The following UBE2E2 variants were observed in gnomAD, a reference collection of about 807,000 sequenced individuals.
UBE2E2 encodes ubiquitin-conjugating enzyme E2 E2.
In UBE2E2, 6 loss-of-function variants were observed where a neutral mutation model predicts 24.7. The observed-to-expected ratio is 0.24, with a 90% confidence interval of 0.13 to 0.48. The LOEUF is 0.48. Ranked by LOEUF, UBE2E2 falls within the 20% of genes least tolerant of loss-of-function variation. The pLI is 0.99. For missense variants in UBE2E2, 169 were observed against 245.0 expected, an observed-to-expected ratio of 0.69 and a Z score of 2.07; for synonymous variants, 104 against 83.6, an observed-to-expected ratio of 1.24 and a Z score of -1.33.
chr3:23,499,354 T>C (rs1699670718), intron 3 of UBE2E2, among the ~76,000 whole-genome samples: 1 of 152,236 alleles, frequency 6.6e-6, no homozygotes, highest in Non-Finnish European at 1.5e-5. Context: ...CCTGTAGTCC[T>C]TGGACTCTTG....
intron 2 of UBE2E2, among the ~76,000 whole-genome samples, chr3:23,211,584 G>A (rs1696325799): frequency 6.6e-6 from 1 of 151,854 alleles, no homozygotes. Flanking sequence ...TTGTAGGGAT[G>A]GGAGTCTCAC....
intron 3 of UBE2E2, among the ~76,000 whole-genome samples, chr3:23,248,152 C>T (rs933256889): frequency 1.3e-5 from 2 of 152,184 alleles, no homozygotes; most frequent in Admixed American, 6.5e-5. Flanking sequence ...ATCAAAAAAG[C>T]AATTAGTGTC....
intron 3 of UBE2E2, among the ~76,000 whole-genome samples, chr3:23,241,047 G>A (rs1338279687): frequency 6.6e-6 from 1 of 152,040 alleles, no homozygotes; most frequent in Non-Finnish European, 1.5e-5. Flanking sequence ...TATTTAATAG[G>A]CACTTCAACA....
chr3:23,352,608 C>T (rs1193382859), intron 3 of UBE2E2, among the ~76,000 whole-genome samples: 4 of 152,208 alleles, frequency 2.6e-5, no homozygotes, highest in Non-Finnish European at 4.4e-5. Flanking sequence ...ACAAACACCT[C>T]TACGCAAATA....
chr3:23,549,566 T>C (rs2125497690), intron 5 of UBE2E2, among the ~76,000 whole-genome samples: 1 of 152,286 alleles, frequency 6.6e-6, no homozygotes, highest in South Asian at 2.1e-4. Context: ...CATTTGTGAA[T>C]TAAAGATTGT....
chr3:23,375,914 C>CA (rs1696510186), intron 3 of UBE2E2, among the ~76,000 whole-genome samples: 1 of 152,012 alleles, frequency 6.6e-6, no homozygotes, highest in African/African-American at 2.4e-5. Flanking sequence ...TATATGTAGC[C>CA]AAAGTGCTCT....
chr3:23,376,477 T>C (rs1696524010), intron 3 of UBE2E2, among the ~76,000 whole-genome samples: 1 of 152,146 alleles, frequency 6.6e-6, no homozygotes, highest in East Asian at 1.9e-4. Context: ...ACAAAGTGAG[T>C]AAGTTCCAAA....
chr3:23,406,814 A>G (rs1197786758), intron 3 of UBE2E2, among the ~76,000 whole-genome samples: 2 of 152,196 alleles, frequency 1.3e-5, no homozygotes, highest in Non-Finnish European at 1.5e-5. Context: ...TGTTGGAGAA[A>G]GTGCTTTAAA....
intron 3 of UBE2E2, among the ~76,000 whole-genome samples, chr3:23,419,219 T>A (rs1697734554): frequency 6.6e-6 from 1 of 152,178 alleles, no homozygotes; most frequent in Non-Finnish European, 1.5e-5. Context: ...TTATCCTGCC[T>A]TGACATCCCA....
At chr3:23,441,538 CAAAA>C (rs147766521) in intron 3 of UBE2E2, among the ~76,000 whole-genome samples, 4 of 95,792 alleles carry the variant, frequency 4.2e-5, no homozygotes, top group African/African-American at 7.5e-5. Context: ...GACTCCGTCT[CAAAA>C]AAAAAAAAAA....
intron 3 of UBE2E2, among the ~76,000 whole-genome samples, chr3:23,292,210 C>T (rs1575537112): frequency 6.6e-6 from 1 of 152,242 alleles, no homozygotes; most frequent in East Asian, 1.9e-4. Flanking sequence ...CTCCTCGGCT[C>T]AAGCAGTCTT....
In UBE2E2 at chr3:23,270,218, C is replaced by G. The variant is rs143977106; in HGVS notation, c.227+52906C>G. On this transcript the variant is annotated intron_variant, in intron 3 of 5. Transcript: ENST00000396703. ...TTGCTCCTTTTGTGTAGTGGGCTCT[C>G]CCTGTCACAAGATGTCCCTCATCTA... Among the ~76,000 whole-genome samples the G allele has an allele frequency of 4.2e-3, 611 of 147,090 alleles. 3 individuals are homozygous for G. The highest frequency in any genetic ancestry group is 0.018 in the Middle Eastern group (5 of 276).
chr3:23,471,703 G>A (rs1699035264), intron 3 of UBE2E2, among the ~76,000 whole-genome samples: 1 of 152,202 alleles, frequency 6.6e-6, no homozygotes, highest in Non-Finnish European at 1.5e-5. Flanking sequence ...AACAAATGCT[G>A]TCACTGAAGG....
chr3:23,519,669 G>T (rs1040898970), intron 4 of UBE2E2, among the ~76,000 whole-genome samples: 1 of 152,014 alleles, frequency 6.6e-6, no homozygotes, highest in Non-Finnish European at 1.5e-5. Flanking sequence ...ATATATATGT[G>T]TGAGGGTTTT....
At chr3:23,235,195 G>A (rs1697072715) in intron 3 of UBE2E2, among the ~76,000 whole-genome samples, 1 of 152,048 alleles carries the variant, frequency 6.6e-6, no homozygotes, top group South Asian at 2.1e-4. Flanking sequence ...TGATGAGCTG[G>A]GGAAGTAAAC....
chr3:23,230,774 G>A (rs576130234), intron 3 of UBE2E2, among the ~76,000 whole-genome samples: 25 of 143,734 alleles, frequency 1.7e-4, no homozygotes, highest in South Asian at 1.1e-3. Context: ...CAGCAAGAGC[G>A]AAACTCCTTC....
At chr3:23,535,980 CATT>C (rs1172421921) in intron 5 of UBE2E2, among the ~76,000 whole-genome samples, 1 of 152,168 alleles carries the variant, frequency 6.6e-6, no homozygotes, top group Admixed American at 6.6e-5. Flanking sequence ...GCTTACTAAA[CATT>C]ATTTAATTTG....
intron 4 of UBE2E2, among the ~76,000 whole-genome samples, chr3:23,509,931 T>C (rs1030132969): frequency 7.2e-5 from 11 of 152,156 alleles, no homozygotes; most frequent in African/African-American, 2.4e-4. Flanking sequence ...GGCCGCATAG[T>C]ATTCCATGGT....
At chr3:23,533,502 C>G (rs1695172881) in intron 5 of UBE2E2, among the ~76,000 whole-genome samples, 2 of 151,942 alleles carry the variant, frequency 1.3e-5, no homozygotes, top group Admixed American at 6.6e-5. Context: ...TGACGAGTAT[C>G]AGTGGGGTTG....
Sources: gnomAD v4.1 joint callset for allele counts (sites outside exome capture counted in the v4.1 genomes callset) on GRCh38, gnomAD v4.1.1 for gene constraint, MANE v1.5 for transcripts, NCBI Gene and HGNC (gene_info 2026-07-23, HGNC 2026-07-21) for gene names.